Variants in COBLL1 observed in about 807,000 individuals in gnomAD.
COBLL1 encodes cordon-bleu WH2 repeat protein like 1, also known as cordon-bleu protein-like 1.
Under a neutral mutation model 94.8 loss-of-function variants are expected in COBLL1, and 50 were observed. That is an observed-to-expected ratio of 0.53 (90% CI 0.42 to 0.67). The LOEUF (loss-of-function observed/expected upper bound fraction) is 0.67. COBLL1 is among the 30% of genes least tolerant of loss of function. The probability of loss-of-function intolerance (pLI) is 0.00; values close to 1 mark genes in which losing one functional copy is unlikely to be tolerated. For synonymous variants in COBLL1, 448 were observed against 473.8 expected (o/e 0.95, Z 0.71); for missense variants, 1,362 against 1,348.7 (o/e 1.01, Z -0.15).
At chr2:164,796,662 A>G (rs1386392338) in intron 2 of COBLL1, among the ~76,000 whole-genome samples, 2 of 150,202 alleles carry the variant, frequency 1.3e-5, no homozygotes, top group African/African-American at 2.4e-5. Context: ...AAGCTCCTAT[A>G]AAATTTAATG....
intron 2 of COBLL1, among the ~76,000 whole-genome samples, chr2:164,775,673 C>G (rs1013750169): frequency 6.6e-6 from 1 of 151,996 alleles, no homozygotes; most frequent in Non-Finnish European, 1.5e-5. Flanking sequence ...ATGTTGGCCT[C>G]GAACTCCTGA....
intron 2 of COBLL1, chr2:164,779,812 G>A (rs148433088): frequency 2.2e-6 from 1 of 463,970 alleles, no homozygotes; most frequent in Non-Finnish European, 4.5e-6. Flanking sequence ...GACTTAAGAT[G>A]ATAGCACTCT....
At chr2:164,828,853 G>A (rs1433382946) in intron 2 of COBLL1, among the ~76,000 whole-genome samples, 5 of 152,228 alleles carry the variant, frequency 3.3e-5, no homozygotes, top group African/African-American at 1.2e-4. Flanking sequence ...ATTTTTTAAT[G>A]TGGCTCCTAA....
At chr2:164,786,922 C>T (rs758541194) in intron 2 of COBLL1, among the ~76,000 whole-genome samples, 1 of 152,142 alleles carries the variant, frequency 6.6e-6, no homozygotes, top group Non-Finnish European at 1.5e-5. Context: ...CTCAAATGGA[C>T]TCTGTTCATT....
At chr2:164,803,650 T>C (rs1402718577) in intron 2 of COBLL1, among the ~76,000 whole-genome samples, 1 of 152,194 alleles carries the variant, frequency 6.6e-6, no homozygotes, top group Admixed American at 6.5e-5. Context: ...ATAATCCATC[T>C]ATTTTTAGAT....
At chr2:164,701,142 A>G (rs1684235049) in intron 9 of COBLL1, among the ~76,000 whole-genome samples, 1 of 152,250 alleles carries the variant, frequency 6.6e-6, no homozygotes, top group South Asian at 2.1e-4. Context: ...AATGAAAAGC[A>G]CATGAGATTT....
intron 7 of COBLL1, among the ~76,000 whole-genome samples, chr2:164,719,170 C>T (rs896898038): frequency 4.0e-5 from 6 of 151,422 alleles, no homozygotes; most frequent in Non-Finnish European, 8.8e-5. Flanking sequence ...TGAAGGGAGA[C>T]TGAATGAAGG....
At chr2:164,796,725 A>AAAAAAC (rs756287598) in intron 2 of COBLL1, among the ~76,000 whole-genome samples, 4 of 143,746 alleles carry the variant, frequency 2.8e-5, no homozygotes, top group Non-Finnish European at 4.6e-5. Flanking sequence ...AAAAAAAAAA[A>AAAAAAC]AGGAGAGGGA....
chr2:164,738,458 C>A (rs191266337), intron 3 of COBLL1, among the ~76,000 whole-genome samples: 1 of 152,254 alleles, frequency 6.6e-6, no homozygotes, highest in East Asian at 1.9e-4. Context: ...AGTCTATAAG[C>A]TCACTTTCAT....
intron 2 of COBLL1, chr2:164,771,860 A>C (rs1688220996): frequency 6.6e-6 from 1 of 151,994 alleles, no homozygotes; most frequent in Non-Finnish European, 1.5e-5. Flanking sequence ...TTAATGCATA[A>C]TTATTTCAAA....
intron 2 of COBLL1, among the ~76,000 whole-genome samples, chr2:164,747,322 C>T (rs1400984605): frequency 6.6e-6 from 1 of 152,174 alleles, no homozygotes; most frequent in Non-Finnish European, 1.5e-5. Context: ...CTGCACACTG[C>T]AGTGAACTCC....
chr2:164,733,387 A>G (rs1030175945), intron 3 of COBLL1, among the ~76,000 whole-genome samples: 5 of 152,188 alleles, frequency 3.3e-5, no homozygotes, highest in African/African-American at 1.2e-4. Flanking sequence ...CGACTATATC[A>G]TGACCTTTGC....
intron 2 of COBLL1, among the ~76,000 whole-genome samples, chr2:164,753,632 G>A (rs1247179002): frequency 1.3e-5 from 2 of 152,030 alleles, no homozygotes; most frequent in African/African-American, 4.8e-5. Flanking sequence ...GTGTGACTGA[G>A]GGACTACAGT....
chr2:164,800,044 C>T (rs936358181), intron 2 of COBLL1, among the ~76,000 whole-genome samples: 1 of 151,940 alleles, frequency 6.6e-6, no homozygotes, highest in East Asian at 1.9e-4. Flanking sequence ...CTTAAGACAC[C>T]AAAGCATAGT....
Position 164,685,747 on chromosome 2 carries a change from CA to C in COBLL1, c.*198del, listed in dbSNP as rs912042675. ...AAAGCAGCATATTCAACTCTTAAGG[CA>C]AAAAAAAGATCAAAAAATTACTATA... On this transcript the variant is annotated 3_prime_UTR_variant, in exon 14 of 14. Transcript: ENST00000652658. 133 of 380,486 alleles carry C rather than the reference CA, an allele frequency of 3.5e-4. No homozygotes were observed. The highest frequency in any genetic ancestry group is 2.1e-3 in the Middle Eastern group (3 of 1,462). The allele number at this position is 380,486 out of a possible 1,614,324, so 23.6% of individuals were successfully genotyped here.
intron 2 of COBLL1, among the ~76,000 whole-genome samples, chr2:164,810,374 T>C (rs1684403979): frequency 6.6e-6 from 1 of 151,552 alleles, no homozygotes; most frequent in Non-Finnish European, 1.5e-5. Flanking sequence ...AAATCCAAAT[T>C]ATATAAAAAT....
chr2:164,775,313 A>T (rs1688413563), intron 2 of COBLL1, among the ~76,000 whole-genome samples: 1 of 152,150 alleles, frequency 6.6e-6, no homozygotes, highest in Non-Finnish European at 1.5e-5. Context: ...GAAGAACAGC[A>T]TTCTTCTGTA....
intron 2 of COBLL1, among the ~76,000 whole-genome samples, chr2:164,789,843 T>C (rs886915283): frequency 2.6e-5 from 4 of 152,236 alleles, no homozygotes; most frequent in Admixed American, 2.6e-4. Flanking sequence ...CAGCTAAGGC[T>C]ACTGCTTATT....
chr2:164,807,444 A>G (rs111577894), intron 2 of COBLL1, among the ~76,000 whole-genome samples: 77 of 151,272 alleles, frequency 5.1e-4, no homozygotes, highest in African/African-American at 1.6e-3. Context: ...TCTCAATTAA[A>G]AAAAAAAAAA....
Sources: allele counts gnomAD v4.1 joint callset (sites outside exome capture counted in the v4.1 genomes callset), GRCh38; gene constraint gnomAD v4.1.1; transcripts MANE v1.5; gene names NCBI Gene and HGNC (gene_info 2026-07-23, HGNC 2026-07-21).